The following SLFN12L variants were observed in gnomAD, a reference collection of about 807,000 sequenced individuals.
SLFN12L encodes the protein schlafen family member 12-like.
In SLFN12L, 34 loss-of-function variants were observed where a neutral mutation model predicts 34.8. The ratio of observed to expected loss-of-function variants is 0.98; its 90% CI spans 0.74 to 1.30. The LOEUF (loss-of-function observed/expected upper bound fraction) is 1.30, where lower values mean the gene tolerates loss of function less well. SLFN12L is among the 50% of genes most tolerant of loss of function. The pLI is 0.00. For missense variants in SLFN12L, 703 were observed against 696.2 expected (o/e 1.01, Z -0.11); for synonymous variants, 259 against 247.5 (o/e 1.05, Z -0.44).
chr17:35,482,505 C>T (rs1037560946), intron 2 of SLFN12L, among the ~76,000 whole-genome samples: 4 of 152,180 alleles, frequency 2.6e-5, no homozygotes, highest in South Asian at 2.1e-4. Flanking sequence ...CCAGGCCTCC[C>T]GCTCTCTGCA....
At chr17:35,504,123 C>A (rs1216907947) in intron 2 of SLFN12L, among the ~76,000 whole-genome samples, 4 of 152,058 alleles carry the variant, frequency 2.6e-5, no homozygotes, top group African/African-American at 9.7e-5. Context: ...CTTGTTATAC[C>A]CTGTGGGGAC....
chr17:35,498,183 G>GTGGGGAGCCTGAGCCGCC, intron 2 of SLFN12L: 1 of 624,830 alleles, frequency 1.6e-6, no homozygotes, highest in Non-Finnish European at 2.9e-6. Context: ...AGGCGGCGGC[G>GTGGGGAGCCTGAGCCGCC]TGGGGAGCCG....
At chr17:35,527,135 A>G (rs1389349840) in intron 1 of SLFN12L, among the ~76,000 whole-genome samples, 1 of 152,240 alleles carries the variant, frequency 6.6e-6, no homozygotes, top group African/African-American at 2.4e-5. Flanking sequence ...TCCTGGACGC[A>G]TAGGCCCTCC....
chr17:35,485,247 T>C (rs796407894), intron 2 of SLFN12L, among the ~76,000 whole-genome samples: 3 of 152,214 alleles, frequency 2.0e-5, no homozygotes, highest in South Asian at 4.1e-4. Flanking sequence ...TGGTATTTCA[T>C]TGTGATTTCG....
chr17:35,482,481 C>T (rs1439595789), intron 2 of SLFN12L, among the ~76,000 whole-genome samples: 4 of 152,052 alleles, frequency 2.6e-5, no homozygotes, highest in African/African-American at 9.7e-5. Flanking sequence ...GCCACCCAAA[C>T]CACCACTGTA....
intron 4 of SLFN12L, among the ~76,000 whole-genome samples, chr17:35,475,819 G>C (rs943066742): frequency 6.6e-6 from 1 of 152,004 alleles, no homozygotes; most frequent in Non-Finnish European, 1.5e-5. Flanking sequence ...AGGATCACTT[G>C]AGCCCAGGAA....
Position 35,490,398 on chromosome 17 carries a change from C to T in SLFN12L, c.87-10203G>A, listed in dbSNP as rs1404033800. 1.2e-5 allele frequency: 15 copies of T among 1,292,730 alleles called. No homozygotes were observed. The East Asian group carries it at 3.5e-4, about 30-fold the overall frequency. 80.1% of individuals were successfully genotyped at this position (1,292,730 alleles called of 1,614,324 possible). On this transcript the variant is annotated intron_variant, in intron 2 of 4. Coordinates refer to ENST00000628453, the MANE Select transcript of SLFN12L (RefSeq NM_001363830.2). Reference sequence around the variant, plus strand: ...TGCTCACCAAGAAGTTCATTCAGCTCCTGAACCAGTCACCCGATGGGGTCT... The same window carrying T: ...TGCTCACCAAGAAGTTCATTCAGCTTCTGAACCAGTCACCCGATGGGGTCT...
At position 35,465,546 on chromosome 17, in the gene SLFN12L, A is replaced by C. The variant is rs1913708463; in HGVS notation, c.*9377T>G. ...AGTTAATATGGTTCAATGTAAGTTA[A>C]AATAGGCCCTTGAAGGATTGAAAGT... On this transcript the variant is annotated 3_prime_UTR_variant, in exon 5 of 5. Transcript: ENST00000628453. 6.6e-6 allele frequency among the ~76,000 whole-genome samples: 1 copy of C among 152,044 alleles called. No individual in the cohort carries two copies. The highest frequency in any genetic ancestry group is 2.4e-5 in the African/African-American group (1 of 41,390).
chr17:35,507,731 T>C (rs1915510280), intron 2 of SLFN12L, among the ~76,000 whole-genome samples: 1 of 152,212 alleles, frequency 6.6e-6, no homozygotes, highest in African/African-American at 2.4e-5. Context: ...TGCTCCCTTG[T>C]TTGCTACCCA....
chr17:35,476,793 A>T lies in SLFN12L; in HGVS notation c.1276+1282T>A, dbSNP rs970996118. Among the ~76,000 whole-genome samples the T allele has an allele frequency of 4.1e-3, 631 of 152,288 alleles. 9 individuals are homozygous for T. The highest frequency in any genetic ancestry group is 0.014 in the African/African-American group (600 of 41,560). ...CACTGGTGTTCTGTCTGCCAAAAAAAAAAAAAATGTGTAACCCTATCTGAA... is the reference window on the plus strand; with the variant it reads ...CACTGGTGTTCTGTCTGCCAAAAAATAAAAAAATGTGTAACCCTATCTGAA... On this transcript the variant is annotated intron_variant, in intron 4 of 4. Coordinates refer to ENST00000628453, the MANE Select transcript of SLFN12L (RefSeq NM_001363830.2).
chr17:35,516,290 C>T lies in SLFN12L; in HGVS notation c.86+5989G>A, dbSNP rs550919418. Among the ~76,000 whole-genome samples the T allele has an allele frequency of 2.6e-5, 4 of 152,336 alleles. No homozygotes were observed. The South Asian group carries it at 8.3e-4, about 32-fold the overall frequency. On this transcript the variant is annotated intron_variant, in intron 2 of 4. Transcript: ENST00000628453. Reference sequence around the variant, plus strand: ...ATGGAATCCTCTAAGATTCTTCATTCCATTTTCCAGCTCCCCAGCATATAG... The same window carrying T: ...ATGGAATCCTCTAAGATTCTTCATTTCATTTTCCAGCTCCCCAGCATATAG...
chr17:35,503,576 T>TA (rs1367062661), intron 2 of SLFN12L, among the ~76,000 whole-genome samples: 2 of 151,930 alleles, frequency 1.3e-5, no homozygotes, highest in African/African-American at 2.4e-5. Flanking sequence ...TAAAAACTAA[T>TA]AAAAAATAGG....
At chr17:35,491,026 C>A (rs1232793257) in intron 2 of SLFN12L, 2 of 788,214 alleles carry the variant, frequency 2.5e-6, no homozygotes, top group East Asian at 2.4e-5. Context: ...CCCCAGCCAA[C>A]CTCTTACAGC....
chr17:35,490,149 G>A, intron 2 of SLFN12L: 1 of 1,606,758 alleles, frequency 6.2e-7, no homozygotes, highest in Non-Finnish European at 8.5e-7. Context: ...ACGCCGCAGG[G>A]ACCCTCCAGC....
chr17:35,522,848 G>C lies in SLFN12L; in HGVS notation c.-484C>G. ...GGTCCACAGCCTAGCTTCTAGAGAG[G>C]ATCACAATTCCCCAGGAGAAAGGTT... On this transcript the variant is annotated 5_prime_UTR_variant, in exon 2 of 5. It adds an upstream start codon to the 5' untranslated region. Transcript: ENST00000628453. 8.8e-7 allele frequency: 1 copy of C among 1,135,660 alleles called. No individual in the cohort carries two copies. The highest frequency in any genetic ancestry group is 1.3e-5 in the South Asian group (1 of 74,694). The allele number at this position is 1,135,660 out of a possible 1,614,324, so 70.3% of individuals were successfully genotyped here.
intron 1 of SLFN12L, among the ~76,000 whole-genome samples, chr17:35,532,405 A>G (rs113468663): frequency 2.0e-5 from 3 of 150,330 alleles, no homozygotes; most frequent in African/African-American, 7.3e-5. Flanking sequence ...GCACCACTGC[A>G]CTCCAGCCTG....
intron 4 of SLFN12L, among the ~76,000 whole-genome samples, chr17:35,476,682 G>A (rs898959422): frequency 4.0e-5 from 6 of 151,786 alleles, no homozygotes; most frequent in African/African-American, 1.5e-4. Flanking sequence ...GACCCCAGAA[G>A]AGCCATGACC....
At chr17:35,530,308 C>T (rs1260603816) in intron 1 of SLFN12L, among the ~76,000 whole-genome samples, 1 of 143,178 alleles carries the variant, frequency 7.0e-6, no homozygotes, top group African/African-American at 2.6e-5. Context: ...GATTGTGCCA[C>T]TGCACTCCAG....
chr17:35,478,002 A>G (rs1272026933), intron 4 of SLFN12L, 73 bp downstream of exon 4: 5 of 883,326 alleles, frequency 5.7e-6, no homozygotes, highest in Non-Finnish European at 7.0e-6. Flanking sequence ...ATATCAAGAC[A>G]GAGCTGGTTT....
Sources: allele counts gnomAD v4.1 joint callset (sites outside exome capture counted in the v4.1 genomes callset), GRCh38; gene constraint gnomAD v4.1.1; transcripts MANE v1.5; gene names NCBI Gene and HGNC (gene_info 2026-07-23, HGNC 2026-07-21).